Variants in STPG1 observed in about 807,000 individuals in gnomAD.
STPG1 encodes O(6)-methylguanine-induced apoptosis 2.
STPG1 carries 33 observed loss-of-function variants against 40.1 expected under a neutral mutation model. The observed-to-expected ratio is 0.82, with a 90% CI of 0.62 to 1.10. STPG1 has a LOEUF of 1.10. STPG1 is among the 50% of genes least tolerant of loss of function. STPG1 has a pLI of 0.00. For synonymous variants in STPG1, 150 were observed against 155.0 expected, an observed-to-expected ratio of 0.97 and a Z score of 0.24; for missense variants, 396 against 415.1, an observed-to-expected ratio of 0.95 and a Z score of 0.40.
In STPG1 at chr1:24,364,208, G is replaced by A. The variant is rs151326764; in HGVS notation, c.738-3167C>T. 8.2e-4 allele frequency: 1,268 copies of A among 1,538,304 alleles called. 4 individuals carry two copies. The highest frequency in any genetic ancestry group is 9.3e-4 in the Non-Finnish European group (1,064 of 1,141,092). On this transcript the variant is annotated intron_variant, in intron 7 of 8. Coordinates refer to ENST00000337248, the MANE Select transcript of STPG1 (RefSeq NM_001199013.2). The stretch of plus-strand genomic sequence containing the variant: ...AGGGAAACTTCTCTCCTCCACCCAC[G>A]CCTGTCTCGCCACCCCCCACCTGAC...
At chr1:24,371,080 G>A (rs1420389513) in intron 6 of STPG1, among the ~76,000 whole-genome samples, 1 of 152,062 alleles carries the variant, frequency 6.6e-6, no homozygotes, top group Non-Finnish European at 1.5e-5. Flanking sequence ...ACCAAAACTG[G>A]GGTGAAGAGG....
intron 7 of STPG1, among the ~76,000 whole-genome samples, chr1:24,367,527 C>T (rs963265934): frequency 6.6e-6 from 1 of 152,094 alleles, no homozygotes; most frequent in African/African-American, 2.4e-5. Context: ...TAGCTATTTT[C>T]TTTCTTTTTG....
intron 7 of STPG1, among the ~76,000 whole-genome samples, chr1:24,362,633 T>C (rs990603434): frequency 3.3e-5 from 5 of 152,338 alleles, no homozygotes; most frequent in Non-Finnish European, 7.3e-5. Context: ...TGATGATCCC[T>C]GTGTCAGCAT....
At chr1:24,392,197 A>C (rs1343441369) in intron 2 of STPG1, 1 of 439,988 alleles carries the variant, frequency 2.3e-6, no homozygotes, top group African/African-American at 2.1e-5. Context: ...TTTTGAGCAG[A>C]CATGGGGTTA....
At chr1:24,391,704 T>G in intron 2 of STPG1, 25 bp from the exon 3 acceptor site, 2 of 1,448,034 alleles carry the variant, frequency 1.4e-6, no homozygotes, top group Non-Finnish European at 1.9e-6. Flanking sequence ...TGGAGTAAAA[T>G]CAAAATGAAT....
At chr1:24,406,670 C>T (rs1004665532) in intron 1 of STPG1, among the ~76,000 whole-genome samples, 5 of 151,882 alleles carry the variant, frequency 3.3e-5, no homozygotes, top group South Asian at 4.1e-4. Context: ...TTTTCTCTTC[C>T]TACCTCTCCC....
At chr1:24,372,099 A>G (rs1422307327) in intron 6 of STPG1, among the ~76,000 whole-genome samples, 2 of 152,028 alleles carry the variant, frequency 1.3e-5, no homozygotes, top group African/African-American at 4.8e-5. Context: ...AATCACTTGA[A>G]CCCGGGGGGC....
chr1:24,395,587 C>G (rs190301785), intron 2 of STPG1, among the ~76,000 whole-genome samples: 1 of 151,916 alleles, frequency 6.6e-6, no homozygotes, highest in African/African-American at 2.4e-5. Flanking sequence ...CGCCCGCCAC[C>G]GCGCCCGGCT....
chr1:24,407,236 A>T (rs1009971851), intron 1 of STPG1, among the ~76,000 whole-genome samples: 4 of 152,184 alleles, frequency 2.6e-5, no homozygotes, highest in Non-Finnish European at 5.9e-5. Flanking sequence ...TGTAGGCTAC[A>T]GTTTTCACCA....
intron 7 of STPG1, chr1:24,364,322 C>T: frequency 6.5e-7 from 1 of 1,549,538 alleles, no homozygotes; most frequent in Non-Finnish European, 8.7e-7. Flanking sequence ...GATTCAAATC[C>T]CAGCCCCACC....
intron 1 of STPG1, among the ~76,000 whole-genome samples, chr1:24,410,455 A>G (rs970145419): frequency 3.3e-5 from 5 of 152,298 alleles, no homozygotes; most frequent in African/African-American, 9.6e-5. Context: ...CTAAAAATAC[A>G]AAAATTAGCT....
chr1:24,362,227 G>A (rs1474409860), intron 7 of STPG1, among the ~76,000 whole-genome samples: 1 of 152,210 alleles, frequency 6.6e-6, no homozygotes, highest in Non-Finnish European at 1.5e-5. Context: ...AGCTTGAGGG[G>A]ACCCAAGTGA....
intron 5 of STPG1, among the ~76,000 whole-genome samples, chr1:24,375,292 A>T (rs891274074): frequency 6.6e-6 from 1 of 152,226 alleles, no homozygotes; most frequent in African/African-American, 2.4e-5. Flanking sequence ...AGGCAATACA[A>T]ATTAAACCTG....
chr1:24,390,740 GT>G (rs58051437), intron 3 of STPG1, among the ~76,000 whole-genome samples: 12 of 151,080 alleles, frequency 7.9e-5, no homozygotes, highest in African/African-American at 1.2e-4. Context: ...GTTTAAGGAA[GT>G]TTTTTTTGTT....
chr1:24,409,341 C>T (rs1445839242), intron 1 of STPG1, among the ~76,000 whole-genome samples: 1 of 152,146 alleles, frequency 6.6e-6, no homozygotes, highest in Non-Finnish European at 1.5e-5. Context: ...GCCTGGGTGA[C>T]AAAGTGAGAC....
intron 7 of STPG1, among the ~76,000 whole-genome samples, chr1:24,363,314 A>T (rs552605248): frequency 1.3e-5 from 2 of 152,274 alleles, no homozygotes; most frequent in East Asian, 3.9e-4. Context: ...AGCACTATGG[A>T]TCTTTCATGA....
chr1:24,399,409 A>G lies in STPG1; in HGVS notation c.70+1910T>C, dbSNP rs568619072. ...TCTTCCTCAATCAAAAACAATTTCA[A>G]GTGAATTGTAGATCTAGATGTAAAA... is the stretch of plus-strand genomic sequence containing the variant. On this transcript the variant is annotated intron_variant, in intron 2 of 8. Transcript: ENST00000337248. This position sits in a 1 kb window ranked among gnomAD's most constrained non-coding sequence, Gnocchi z 4.0. 6.6e-6 allele frequency among the ~76,000 whole-genome samples: 1 copy of G among 152,298 alleles called. No individual in the cohort carries two copies. The highest frequency in any genetic ancestry group is 2.4e-5 in the African/African-American group (1 of 41,574).
At chr1:24,410,452 T>A (rs766899178) in intron 1 of STPG1, among the ~76,000 whole-genome samples, 9 of 151,956 alleles carry the variant, frequency 5.9e-5, no homozygotes, top group Non-Finnish European at 4.4e-5. Flanking sequence ...CTACTAAAAA[T>A]ACAAAAATTA....
At chr1:24,383,769 G>A (rs1475876873) in intron 4 of STPG1, 133 bp downstream of exon 4, 1 of 640,272 alleles carries the variant, frequency 1.6e-6, no homozygotes, top group African/African-American at 1.8e-5. Flanking sequence ...TGAAATTTGA[G>A]GAGGCAGTTA....
Sources: allele counts gnomAD v4.1 joint callset (sites outside exome capture counted in the v4.1 genomes callset), GRCh38; gene constraint gnomAD v4.1.1; non-coding constraint Gnocchi (gnomAD v3.1); transcripts MANE v1.5; gene names NCBI Gene and HGNC (gene_info 2026-07-23, HGNC 2026-07-21).